The following A4GALT variants were observed in gnomAD, a reference collection of about 807,000 sequenced individuals.
A4GALT encodes the protein lactosylceramide 4-alpha-galactosyltransferase.
For missense variants in A4GALT, 512 were observed against 486.0 expected, an observed-to-expected ratio of 1.05 and a Z score of -0.50; for synonymous variants, 257 against 220.7, an observed-to-expected ratio of 1.16 and a Z score of -1.46.
At chr22:42,715,796 G>T (rs937827491) in intron 1 of A4GALT, among the ~76,000 whole-genome samples, 1 of 151,664 alleles carries the variant, frequency 6.6e-6, no homozygotes, top group Non-Finnish European at 1.5e-5. Flanking sequence ...GGGATTACAG[G>T]TGTGAGCCAC....
chr22:42,700,846 G>A (rs1008087833), intron 1 of A4GALT, among the ~76,000 whole-genome samples: 7 of 152,236 alleles, frequency 4.6e-5, no homozygotes, highest in African/African-American at 7.2e-5. Flanking sequence ...CCTTTCCTCC[G>A]GCAGGGGAAC....
At chr22:42,699,736 G>A (rs376245703) in intron 1 of A4GALT, among the ~76,000 whole-genome samples, 3 of 152,198 alleles carry the variant, frequency 2.0e-5, no homozygotes, top group South Asian at 2.1e-4. Flanking sequence ...AACCACAGTC[G>A]GGGCTATGAT....
chr22:42,716,269 C>G (rs983358243), intron 1 of A4GALT, among the ~76,000 whole-genome samples: 5 of 152,220 alleles, frequency 3.3e-5, no homozygotes, highest in Non-Finnish European at 5.9e-5. Context: ...TGACCATCCT[C>G]TCCACCACTG....
rs1333412828 is a variant in A4GALT at position 42,692,486 on chromosome 22, C to G, written c.*404G>C. On this transcript the variant is annotated 3_prime_UTR_variant, in exon 3 of 3. Coordinates refer to ENST00000642412, the MANE Select transcript of A4GALT (RefSeq NM_017436.7). The surrounding 1 kb of genome is among the most constrained non-coding windows in gnomAD (Gnocchi z 4.6). ...TCCCCCAGCCCTGCCACTTTCCTAC[C>G]AACAGCCTCCTCTCCTCTCTGGGAA... The G allele has an allele frequency of 1.7e-5, 6 of 363,622 alleles. No individual in the cohort carries two copies. Among genetic ancestry groups the G allele is most frequent in the Non-Finnish European group, 3.3e-5 (6 of 183,304 alleles). The allele number at this position is 363,622 out of a possible 1,614,324, so 22.5% of individuals were successfully genotyped here.
chr22:42,706,027 C>T (rs1602009730), intron 1 of A4GALT, among the ~76,000 whole-genome samples: 1 of 93,966 alleles, frequency 1.1e-5, no homozygotes, highest in Admixed American at 1.2e-4. Flanking sequence ...GCACTCCAGC[C>T]TGGGTGACAC....
chr22:42,708,333 G>A (rs750060454), intron 1 of A4GALT, among the ~76,000 whole-genome samples: 19 of 151,926 alleles, frequency 1.3e-4, no homozygotes, highest in South Asian at 4.1e-4. Flanking sequence ...AGCCGAGATC[G>A]CGCCATTGCA....
At chr22:42,699,301 T>C (rs559467097) in intron 1 of A4GALT, among the ~76,000 whole-genome samples, 17 of 152,150 alleles carry the variant, frequency 1.1e-4, no homozygotes, top group Non-Finnish European at 2.4e-4. Flanking sequence ...GCCAAGCTAG[T>C]CTTGAACTCC....
intron 1 of A4GALT, among the ~76,000 whole-genome samples, chr22:42,720,341 C>A (rs1922608386): frequency 6.6e-6 from 1 of 152,222 alleles, no homozygotes; most frequent in South Asian, 2.1e-4. Flanking sequence ...CGCTCTCCAT[C>A]CCCGTCCCCG....
chr22:42,709,522 G>T (rs901762948), intron 1 of A4GALT, among the ~76,000 whole-genome samples: 3 of 152,010 alleles, frequency 2.0e-5, no homozygotes, highest in Non-Finnish European at 4.4e-5. Flanking sequence ...AAGTACGGTG[G>T]CTCGTGCCTG....
chr22:42,712,861 G>A (rs887170125), intron 1 of A4GALT, among the ~76,000 whole-genome samples: 1 of 152,148 alleles, frequency 6.6e-6, no homozygotes, highest in African/African-American at 2.4e-5. Flanking sequence ...GTGAGCCACT[G>A]CACTCCAGCC....
intron 1 of A4GALT, among the ~76,000 whole-genome samples, chr22:42,706,532 C>T (rs547211396): frequency 5.9e-5 from 9 of 151,720 alleles, no homozygotes; most frequent in African/African-American, 2.2e-4. Context: ...CGGTCGCTTA[C>T]GCCTGTAATC....
intron 1 of A4GALT, among the ~76,000 whole-genome samples, chr22:42,705,939 A>G (rs1921037116): frequency 8.3e-6 from 1 of 120,858 alleles, no homozygotes; most frequent in African/African-American, 2.7e-5. Flanking sequence ...CTGTCATCCC[A>G]GCTACTCGGG....
intron 1 of A4GALT, among the ~76,000 whole-genome samples, chr22:42,700,629 C>T (rs879580769): frequency 6.6e-6 from 1 of 152,216 alleles, no homozygotes; most frequent in Non-Finnish European, 1.5e-5. Flanking sequence ...GTGTAAGACA[C>T]CAGCGCCAGG....
At chr22:42,715,416 T>C (rs1343162592) in intron 1 of A4GALT, among the ~76,000 whole-genome samples, 1 of 152,122 alleles carries the variant, frequency 6.6e-6, no homozygotes, top group Non-Finnish European at 1.5e-5. Context: ...GTGAGCCCTC[T>C]GGGTCAAAGG....
At chr22:42,716,016 G>C (rs1922145298) in intron 1 of A4GALT, among the ~76,000 whole-genome samples, 1 of 152,008 alleles carries the variant, frequency 6.6e-6, no homozygotes, top group Non-Finnish European at 1.5e-5. Flanking sequence ...ATTTTTAGTA[G>C]AGATAGGGTT....
At chr22:42,701,633 G>A (rs529021077) in intron 1 of A4GALT, among the ~76,000 whole-genome samples, 1 of 152,200 alleles carries the variant, frequency 6.6e-6, no homozygotes, top group African/African-American at 2.4e-5. Flanking sequence ...TGTCCTGTGG[G>A]GAGCCACCCC....
intron 1 of A4GALT, among the ~76,000 whole-genome samples, chr22:42,712,875 G>T (rs1921817153): frequency 6.6e-6 from 1 of 152,186 alleles, no homozygotes; most frequent in Non-Finnish European, 1.5e-5. Context: ...TCCAGCCTGG[G>T]CGACAGAGTG....
Position 42,693,352 on chromosome 22 carries a change from G to A in A4GALT, c.600C>T (p.Asn200=). 1 of 1,613,254 alleles carries A rather than the reference G, an allele frequency of 6.2e-7. No individual in the cohort carries two copies. The highest frequency in any genetic ancestry group is 8.5e-7 in the Non-Finnish European group (1 of 1,180,006). Residue 200 remains asparagine (N), a synonymous_variant, in exon 3 of 3, where the codon AAC becomes AAT. Transcript: ENST00000642412. ...CCAGCACGTTGGTCAGGTTCCGCAG[G>A]TTCTTGAGAACAATGAAGTCCGTGT... ...YLDTDFIVLK[N]LRNLTNVLGT...
rs564938247 is a variant in A4GALT at position 42,693,924 on chromosome 22, G to A, written c.28C>T (p.Arg10Trp). 1.6e-4 allele frequency: 257 copies of A among 1,601,238 alleles called. No individual in the cohort carries two copies. Among genetic ancestry groups the A allele is most frequent in the Non-Finnish European group, 2.1e-4 (241 of 1,174,536 alleles). MSKPPDLLL[R>W]LLRGAPRQRV... The stretch of plus-strand genomic sequence containing the variant: ...TGCCTTGGGGCGCCCCGGAGCAGCC[G>A]CAGCAGGAGGTCGGGGGGCTTGGAC... The change falls in exon 3 of 3, where the codon CGG becomes TGG. Residue 10 changes from arginine (R) to tryptophan (W), a missense_variant. Arg to Trp is a moderately radical substitution (Grantham distance 101, BLOSUM62 -3). Coordinates refer to ENST00000642412, the MANE Select transcript of A4GALT (RefSeq NM_017436.7).
Sources: gnomAD v4.1 joint callset for allele counts (sites outside exome capture counted in the v4.1 genomes callset) on GRCh38, gnomAD v4.1.1 for gene constraint, Gnocchi (gnomAD v3.1) non-coding constraint, MANE v1.5 for transcripts, NCBI Gene and HGNC (gene_info 2026-07-23, HGNC 2026-07-21) for gene names.